The following SPATS2 variants were observed in gnomAD, a reference collection of about 807,000 sequenced individuals.
SPATS2 encodes spermatogenesis-associated serine-rich protein 2.
A neutral mutation model predicts 63.7 loss-of-function variants in SPATS2; 38 were observed. The ratio of observed to expected loss-of-function variants is 0.60; its 90% CI spans 0.46 to 0.78. SPATS2 has a LOEUF of 0.78. SPATS2 is among the 30% of genes least tolerant of loss of function. The pLI is 0.00. For synonymous variants in SPATS2, 207 were observed against 232.9 expected (o/e 0.89, Z 1.01); for missense variants, 588 against 666.2 (o/e 0.88, Z 1.29).
At chr12:49,377,705 T>C (rs1414820135) in intron 2 of SPATS2, among the ~76,000 whole-genome samples, 3 of 152,192 alleles carry the variant, frequency 2.0e-5, no homozygotes, top group African/African-American at 7.2e-5. Flanking sequence ...ATATATAATA[T>C]GATCAGGCCA....
chr12:49,502,505 C>T (rs961704230), intron 9 of SPATS2, among the ~76,000 whole-genome samples: 10 of 152,242 alleles, frequency 6.6e-5, no homozygotes, highest in East Asian at 5.8e-4. Flanking sequence ...GGCTGGAGTG[C>T]GGTGGCACGG....
chr12:49,516,473 C>T (rs528870133), intron 10 of SPATS2, among the ~76,000 whole-genome samples: 8 of 151,332 alleles, frequency 5.3e-5, no homozygotes, highest in East Asian at 1.9e-4. Flanking sequence ...TCTGGGAGGC[C>T]GAGGCGGGCT....
chr12:49,519,092 A>G lies in SPATS2; in HGVS notation c.918A>G (p.Arg306=). ...KAEAMEILLS[R]QKKAELLKKM... ...CTACAGTGGAAATTTTGCTCAGCCGACAAAAGAAGGCTGAACTTCTAAAGA... is the reference window on the plus strand; with the variant it reads ...CTACAGTGGAAATTTTGCTCAGCCGGCAAAAGAAGGCTGAACTTCTAAAGA... Residue 306 remains arginine (R), a synonymous_variant, in exon 11 of 14, where the codon CGA becomes CGG. Coordinates refer to ENST00000552918, the MANE Select transcript of SPATS2 (RefSeq NM_023071.4). 1 of 1,613,886 alleles carries G rather than the reference A, an allele frequency of 6.2e-7. No individual in the cohort carries two copies. Among genetic ancestry groups the G allele is most frequent in the South Asian group, 1.1e-5 (1 of 91,006 alleles).
At chr12:49,450,046 C>G (rs1945590758) in intron 2 of SPATS2, among the ~76,000 whole-genome samples, 1 of 152,140 alleles carries the variant, frequency 6.6e-6, no homozygotes, top group Non-Finnish European at 1.5e-5. Flanking sequence ...TGATTTCTCT[C>G]TGTCTCTAAT....
rs1049485042 is a variant in SPATS2 at position 49,492,244 on chromosome 12, G to C, written c.264+1513G>C. On this transcript the variant is annotated intron_variant, in intron 6 of 13. Transcript: ENST00000552918. Reference sequence around the variant, plus strand: ...CTTTTTTTTTTTTCTTTTTGAGATGGAGTTTTGCTCTGTCGCCCAGGCTGG... The same window carrying C: ...CTTTTTTTTTTTTCTTTTTGAGATGCAGTTTTGCTCTGTCGCCCAGGCTGG... 8.6e-5 allele frequency among the ~76,000 whole-genome samples: 13 copies of C among 150,576 alleles called. 1 individual carries two copies. Among genetic ancestry groups the C allele is most frequent in the African/African-American group, 2.9e-4 (12 of 40,784 alleles).
At chr12:49,513,879 G>A (rs139359448) in intron 9 of SPATS2, among the ~76,000 whole-genome samples, 1,616 of 152,208 alleles carry the variant, frequency 0.011, 26 homozygotes, top group African/African-American at 0.036. Context: ...AGTACAGGCC[G>A]GGCGCGGTGG....
intron 2 of SPATS2, among the ~76,000 whole-genome samples, chr12:49,398,322 T>G (rs774711015): frequency 1.3e-4 from 20 of 151,982 alleles, no homozygotes; most frequent in Non-Finnish European, 2.8e-4. Flanking sequence ...AACAGGAGAA[T>G]GACACGAACA....
intron 6 of SPATS2, among the ~76,000 whole-genome samples, chr12:49,492,622 C>T (rs1946402033): frequency 6.6e-6 from 1 of 152,118 alleles, no homozygotes; most frequent in African/African-American, 2.4e-5. Flanking sequence ...CACAGACATT[C>T]CTTAAAATTT....
At chr12:49,445,369 A>G (rs1415239037) in intron 2 of SPATS2, among the ~76,000 whole-genome samples, 1 of 151,922 alleles carries the variant, frequency 6.6e-6, no homozygotes, top group African/African-American at 2.4e-5. Context: ...CATTTATTTG[A>G]TTGATACTGT....
chr12:49,382,665 A>G (rs1198195431), intron 2 of SPATS2, among the ~76,000 whole-genome samples: 5 of 152,172 alleles, frequency 3.3e-5, no homozygotes, highest in Admixed American at 3.3e-4. Flanking sequence ...TGTTCTGCTT[A>G]CACTTATATG....
intron 2 of SPATS2, among the ~76,000 whole-genome samples, chr12:49,459,283 C>G (rs767178697): frequency 6.6e-6 from 1 of 152,076 alleles, no homozygotes; most frequent in African/African-American, 2.4e-5. Flanking sequence ...TTGTGACTGT[C>G]CCGGTGTGCC....
intron 9 of SPATS2, among the ~76,000 whole-genome samples, chr12:49,502,222 A>G (rs1786168506): frequency 6.6e-6 from 1 of 152,160 alleles, no homozygotes; most frequent in South Asian, 2.1e-4. Context: ...CACTTTTGCC[A>G]CAACATATAA....
rs765787947 is a variant in SPATS2 at position 49,456,186 on chromosome 12, G to C, written c.-243-4584G>C. Among the ~76,000 whole-genome samples, 50 of 152,296 alleles carry C rather than the reference G, an allele frequency of 3.3e-4. 1 individual carries two copies. Among genetic ancestry groups the C allele is most frequent in the South Asian group, 6.2e-4 (3 of 4,822 alleles). On this transcript the variant is annotated intron_variant, in intron 2 of 13. Transcript: ENST00000552918. Reference sequence around the variant, plus strand: ...AGAACTACCTTTCCCAGTCACCTTGGGGGTATGTGATGGGAGCAGCCATAG... The same window carrying C: ...AGAACTACCTTTCCCAGTCACCTTGCGGGTATGTGATGGGAGCAGCCATAG...
intron 12 of SPATS2, among the ~76,000 whole-genome samples, chr12:49,523,340 G>T (rs1273137696): frequency 6.7e-6 from 1 of 150,022 alleles, no homozygotes; most frequent in Non-Finnish European, 1.5e-5. Flanking sequence ...AATTAGCCAG[G>T]TGTGGTGGCA....
At chr12:49,512,995 C>T in intron 9 of SPATS2, 1 of 1,113,674 alleles carries the variant, frequency 9.0e-7, no homozygotes, top group Non-Finnish European at 1.2e-6. Context: ...AATATGTCAA[C>T]CAAATTTGTT....
intron 2 of SPATS2, among the ~76,000 whole-genome samples, chr12:49,458,423 G>A (rs745407626): frequency 2.0e-5 from 3 of 151,962 alleles, no homozygotes; most frequent in Non-Finnish European, 4.4e-5. Context: ...AGCCAAGATC[G>A]CGCCATTGCA....
At chr12:49,464,525 G>A (rs1185557080) in intron 3 of SPATS2, among the ~76,000 whole-genome samples, 1 of 151,506 alleles carries the variant, frequency 6.6e-6, no homozygotes, top group Non-Finnish European at 1.5e-5. Context: ...TACTCAGGAG[G>A]CTGAGGCAGG....
chr12:49,376,709 ATTTTTTTTTT>A (rs33952223), intron 2 of SPATS2, among the ~76,000 whole-genome samples: 2 of 55,772 alleles, frequency 3.6e-5, no homozygotes, highest in African/African-American at 1.6e-4. Flanking sequence ...TGTTTTGTTG[ATTTTTTTTTT>A]TTTTTTTTTT....
At chr12:49,516,138 CAAAAAAAA>C (rs57936702) in intron 10 of SPATS2, among the ~76,000 whole-genome samples, 7 of 3,484 alleles carry the variant, frequency 2.0e-3, no homozygotes, top group African/African-American at 4.8e-3. Context: ...GACTCCATCT[CAAAAAAAA>C]AAAAAAAAAA....
Sources: gnomAD v4.1 joint callset for allele counts (sites outside exome capture counted in the v4.1 genomes callset) on GRCh38, gnomAD v4.1.1 for gene constraint, MANE v1.5 for transcripts, NCBI Gene and HGNC (gene_info 2026-07-23, HGNC 2026-07-21) for gene names.